The following NTSR1 variants were observed in gnomAD, a reference collection of about 807,000 sequenced individuals.
The protein encoded by NTSR1 is neurotensin receptor type 1.
Under a neutral mutation model 31.2 loss-of-function variants are expected in NTSR1, and 29 were observed. The ratio of observed to expected loss-of-function variants is 0.93; its 90% CI spans 0.69 to 1.27. The LOEUF (loss-of-function observed/expected upper bound fraction) is 1.27. Ranked by LOEUF, NTSR1 falls within the 50% of genes most tolerant of loss-of-function variation. The pLI is 0.00. For missense variants in NTSR1, 697 were observed against 595.4 expected, an observed-to-expected ratio of 1.17 and a Z score of -1.78; for synonymous variants, 282 against 269.9, an observed-to-expected ratio of 1.04 and a Z score of -0.44.
At chr20:62,719,219 T>G (rs1988789298) in intron 1 of NTSR1, among the ~76,000 whole-genome samples, 2 of 152,204 alleles carry the variant, frequency 1.3e-5, no homozygotes, top group Admixed American at 6.5e-5. Flanking sequence ...GCTGAGAGAT[T>G]TTTTTCTTCA....
chr20:62,711,780 G>A lies in NTSR1; in HGVS notation c.714+1859G>A, dbSNP rs1012363733. 1.1e-4 allele frequency among the ~76,000 whole-genome samples: 17 copies of A among 152,176 alleles called. No individual in the cohort carries two copies. Among genetic ancestry groups the A allele is most frequent in the African/African-American group, 3.9e-4 (16 of 41,434 alleles). On this transcript the variant is annotated intron_variant, in intron 1 of 3. Transcript: ENST00000370501. This position sits in a 1 kb window ranked among gnomAD's most constrained non-coding sequence, Gnocchi z 6.4. The stretch of plus-strand genomic sequence containing the variant: ...GCCAGGTACTTGGGATTGGGCACCT[G>A]GGGGACATCACTTTGCCTCCCAAAG...
At position 62,733,328 on chromosome 20, in the gene NTSR1, G is replaced by C. The variant is rs1291178821; in HGVS notation, c.715-21357G>C. The stretch of plus-strand genomic sequence containing the variant: ...TTAGCACCAATTAGGGAAGAATGAA[G>C]CTCTTGGTTCCCTCCTGAAGCACTT... On this transcript the variant is annotated intron_variant, in intron 1 of 3. Transcript: ENST00000370501. The surrounding 1 kb of genome is among the most constrained non-coding windows in gnomAD (Gnocchi z 5.2). 6.6e-6 allele frequency: 1 copy of C among 152,222 alleles called. No homozygotes were observed. The highest frequency in any genetic ancestry group is 1.5e-5 in the Non-Finnish European group (1 of 68,054). 9.4% of individuals were successfully genotyped at this position (152,222 alleles called of 1,614,324 possible).
chr20:62,744,989 C>T lies in NTSR1; in HGVS notation c.715-9696C>T, dbSNP rs1462627108. On this transcript the variant is annotated intron_variant, in intron 1 of 3. Transcript: ENST00000370501. This position sits in a 1 kb window ranked among gnomAD's most constrained non-coding sequence, Gnocchi z 4.1. ...AATGAGATTCCCATGGAGGCAGCCC[C>T]ACCTCCAGACCACCACGGCTGTCAC... Among the ~76,000 whole-genome samples the T allele has an allele frequency of 4.6e-5, 7 of 152,234 alleles. No homozygotes were observed. The highest frequency in any genetic ancestry group is 5.9e-5 in the Non-Finnish European group (4 of 68,044).
Position 62,760,047 on chromosome 20 carries a change from A to G in NTSR1, c.1037A>G (p.Tyr346Cys), listed in dbSNP as rs749961567. The part of the protein sequence containing the change: ...PFLYDFYHYF[Y>C]MVTNALFYVS... ...CTCTATGACTTCTACCACTACTTCT[A>G]CATGGTGACCAACGCACTCTTCTAC... The change falls in exon 4 of 4, where the codon TAC becomes TGC. Residue 346 changes from tyrosine (Y) to cysteine (C), a missense_variant. Tyr to Cys is a radical substitution (Grantham distance 194). Transcript: ENST00000370501. The G allele has an allele frequency of 1.9e-6, 3 of 1,613,944 alleles. No homozygotes were observed. Among genetic ancestry groups the G allele is most frequent in the Non-Finnish European group, 2.5e-6 (3 of 1,179,960 alleles).
rs1233327874 is a variant in NTSR1, at chr20:62,758,877, C to T, written c.1007+521C>T. On this transcript the variant is annotated intron_variant, in intron 3 of 3. Transcript: ENST00000370501. The surrounding 1 kb of genome is among the most constrained non-coding windows in gnomAD (Gnocchi z 4.5). ...CAGATGCAGCTTCCAGGGCCCCCTC[C>T]CAGAGGAGCCTCACAGGACGATATG... Among the ~76,000 whole-genome samples, 5 of 152,170 alleles carry T rather than the reference C, an allele frequency of 3.3e-5. No homozygotes were observed. Among genetic ancestry groups the T allele is most frequent in the South Asian group, 2.1e-4 (1 of 4,826 alleles).
chr20:62,749,610 T>A (rs1989359044), intron 1 of NTSR1, among the ~76,000 whole-genome samples: 2 of 151,820 alleles, frequency 1.3e-5, no homozygotes, highest in Admixed American at 6.6e-5. Context: ...GGGAGAAAAA[T>A]AACCCATTTA....
rs1459522333 is a variant in NTSR1, at chr20:62,746,666, G to GA, written c.715-8013dup. ...TTATACAAACCAGCTGGACAGCCTG[G>GA]AAAAAATGGATACATTCCTAGAAAC... On this transcript the variant is annotated intron_variant, in intron 1 of 3. Transcript: ENST00000370501. Among the ~76,000 whole-genome samples the GA allele has an allele frequency of 5.3e-5, 8 of 152,220 alleles. No individual in the cohort carries two copies. In the South Asian group the frequency reaches 1.7e-3, roughly 32 times the overall value.
intron 1 of NTSR1, among the ~76,000 whole-genome samples, chr20:62,749,534 C>T (rs1464832158): frequency 6.6e-6 from 1 of 152,058 alleles, no homozygotes; most frequent in African/African-American, 2.4e-5. Flanking sequence ...AATGAGACTA[C>T]ATTAAAATGA....
intron 1 of NTSR1, among the ~76,000 whole-genome samples, chr20:62,718,514 C>T (rs1988774358): frequency 6.6e-6 from 1 of 152,052 alleles, no homozygotes; most frequent in Non-Finnish European, 1.5e-5. Context: ...ACACACCGGC[C>T]CCCGCCCTCC....
chr20:62,760,532 A>G lies in NTSR1; in HGVS notation c.*265A>G, dbSNP rs757362211. 22 of 426,518 alleles carry G rather than the reference A, an allele frequency of 5.2e-5. No homozygotes were observed. Among genetic ancestry groups the G allele is most frequent in the Non-Finnish European group, 7.9e-5 (19 of 239,090 alleles). 26.4% of individuals were successfully genotyped at this position (426,518 alleles called of 1,614,324 possible). A position where few individuals can be genotyped will look rare whatever the true frequency, so the allele number is the denominator to read the frequency against. ...AGAGAGCGCTCCTCTCCCAGATAGG[A>G]AAAGGGCCTCTAACAAGGAGAAATT... On this transcript the variant is annotated 3_prime_UTR_variant, in exon 4 of 4. Coordinates refer to ENST00000370501, the MANE Select transcript of NTSR1 (RefSeq NM_002531.3).
chr20:62,758,318 C>T lies in NTSR1; in HGVS notation c.969C>T (p.Arg323=). ...GCTGGCTGCCCTACCACGTGCGGCG[C>T]CTCATGTTCTGCTACATCTCGGATG... is the stretch of plus-strand genomic sequence containing the variant. ...VVCWLPYHVR[R]LMFCYISDEQ... The change falls in exon 3 of 4, where the codon CGC becomes CGT. Residue 323 remains arginine, a synonymous_variant. Transcript: ENST00000370501. The surrounding 1 kb of genome is among the most constrained non-coding windows in gnomAD (Gnocchi z 4.5). 1 of 1,613,816 alleles carries T rather than the reference C, an allele frequency of 6.2e-7. No homozygotes were observed. The highest frequency in any genetic ancestry group is 8.5e-7 in the Non-Finnish European group (1 of 1,179,996).
At chr20:62,724,803 C>T (rs1448406931) in intron 1 of NTSR1, among the ~76,000 whole-genome samples, 2 of 152,226 alleles carry the variant, frequency 1.3e-5, no homozygotes, top group African/African-American at 4.8e-5. Flanking sequence ...TTCCTGCCTC[C>T]TGCAGCTCCT....
intron 1 of NTSR1, among the ~76,000 whole-genome samples, chr20:62,746,739 A>G (rs1235644194): frequency 6.6e-6 from 1 of 152,210 alleles, no homozygotes; most frequent in Non-Finnish European, 1.5e-5. Flanking sequence ...ATCTGAAAGG[A>G]CCAATAACAA....
intron 1 of NTSR1, among the ~76,000 whole-genome samples, chr20:62,739,029 A>G (rs16983199): frequency 0.039 from 5,975 of 152,266 alleles, 219 homozygotes; most frequent in South Asian, 0.11. Context: ...GCACTGAGCC[A>G]TTCATAAAAC....
chr20:62,726,034 C>T (rs11906702), intron 1 of NTSR1, among the ~76,000 whole-genome samples: 1,598 of 152,296 alleles, frequency 0.01, 29 homozygotes, highest in African/African-American at 0.036. Flanking sequence ...ACCAGAATGT[C>T]GGGGGCAGCA....
chr20:62,710,058 G>A, intron 1 of NTSR1, 137 bp downstream of exon 1: 1 of 745,906 alleles, frequency 1.3e-6, no homozygotes, highest in Non-Finnish European at 2.2e-6. Flanking sequence ...AGGCGGTTGG[G>A]GCAGCTTGGG....
At chr20:62,723,438 G>C (rs1480978092) in intron 1 of NTSR1, among the ~76,000 whole-genome samples, 3 of 152,206 alleles carry the variant, frequency 2.0e-5, no homozygotes, top group African/African-American at 7.2e-5. Flanking sequence ...GAATGTGCTG[G>C]TCAGGAGCCA....
At chr20:62,752,738 A>G (rs1989415459) in intron 1 of NTSR1, among the ~76,000 whole-genome samples, 2 of 152,152 alleles carry the variant, frequency 1.3e-5, no homozygotes, top group Non-Finnish European at 2.9e-5. Context: ...GGTGACTCAC[A>G]GGGAATGGGT....
At chr20:62,759,868 A>G in intron 3 of NTSR1, 150 bp from the exon 4 acceptor site, 1 of 748,988 alleles carries the variant, frequency 1.3e-6, no homozygotes, top group Non-Finnish European at 2.2e-6. Flanking sequence ...GGAGCTTGTT[A>G]TGAAATGTCC....
Sources: gnomAD v4.1 joint callset for allele counts (sites outside exome capture counted in the v4.1 genomes callset) on GRCh38, gnomAD v4.1.1 for gene constraint, Gnocchi (gnomAD v3.1) non-coding constraint, MANE v1.5 for transcripts, NCBI Gene and HGNC (gene_info 2026-07-23, HGNC 2026-07-21) for gene names.